The following PACRG variants were observed in gnomAD, a reference collection of about 807,000 sequenced individuals.
PACRG encodes parkin coregulated gene protein.
In PACRG, 29 loss-of-function variants were observed where a neutral mutation model predicts 29.7. The ratio of observed to expected loss-of-function variants is 0.98; its 90% CI spans 0.73 to 1.33. The LOEUF (loss-of-function observed/expected upper bound fraction) is 1.33. Among genes scored for constraint, PACRG ranks in the 40% most tolerant of loss-of-function variants. The pLI, the probability that PACRG is intolerant of heterozygous loss-of-function variation, is 0.00. For synonymous variants in PACRG, 116 were observed against 118.7 expected (o/e 0.98, Z 0.15); for missense variants, 279 against 316.2 (o/e 0.88, Z 0.89).
At chr6:162,976,881 AAGT>A (rs1425645354) in intron 2 of PACRG, among the ~76,000 whole-genome samples, 10 of 152,140 alleles carry the variant, frequency 6.6e-5, no homozygotes, top group African/African-American at 2.4e-4. Context: ...ATAAAAATGA[AAGT>A]AGGGTGCATG....
chr6:163,252,529 G>T (rs1037605446), intron 4 of PACRG, among the ~76,000 whole-genome samples: 1 of 152,188 alleles, frequency 6.6e-6, no homozygotes, highest in Non-Finnish European at 1.5e-5. Flanking sequence ...TGAGAGCCCC[G>T]CTGTGAAGGC....
chr6:162,873,803 T>C (rs1793029842), intron 2 of PACRG, among the ~76,000 whole-genome samples: 1 of 152,156 alleles, frequency 6.6e-6, no homozygotes, highest in Admixed American at 6.5e-5. Context: ...ATTAATTTGA[T>C]ATGCTACCCT....
At position 163,315,134 on chromosome 6, in the gene PACRG, C is replaced by T; in HGVS notation, c.*147C>T. 2 of 887,554 alleles carry T rather than the reference C, an allele frequency of 2.3e-6. No individual in the cohort carries two copies. The highest frequency in any genetic ancestry group is 3.4e-6 in the Non-Finnish European group (2 of 591,150). The allele number at this position is 887,554 out of a possible 1,614,324, so 55.0% of individuals were successfully genotyped here. A position where few individuals can be genotyped will look rare whatever the true frequency, so the allele number is the denominator to read the frequency against. ...GGCTTATGGGCCATTGGACTGTTAG[C>T]CCTATTGAGAGCAAGGCTTTCCAAT... On this transcript the variant is annotated 3_prime_UTR_variant, in exon 5 of 5. Coordinates refer to ENST00000366888, the MANE Select transcript of PACRG (RefSeq NM_001080379.2).
intron 2 of PACRG, among the ~76,000 whole-genome samples, chr6:162,872,206 A>C (rs1792882611): frequency 8.3e-6 from 1 of 120,560 alleles, no homozygotes; most frequent in Non-Finnish European, 1.7e-5. Flanking sequence ...CTAACTCCAG[A>C]TGCCCTAAGT....
chr6:162,939,966 A>G (rs1005493572), intron 2 of PACRG, among the ~76,000 whole-genome samples: 1 of 152,180 alleles, frequency 6.6e-6, no homozygotes, highest in African/African-American at 2.4e-5. Context: ...CCAGAATGTC[A>G]AAGTATTTTC....
intron 4 of PACRG, among the ~76,000 whole-genome samples, chr6:163,220,871 A>G (rs550232716): frequency 9.2e-5 from 14 of 152,238 alleles, no homozygotes; most frequent in African/African-American, 3.4e-4. Flanking sequence ...CAACATCCCT[A>G]TGAGGTAAGA....
At chr6:163,243,979 CAT>C (rs1368434299) in intron 4 of PACRG, among the ~76,000 whole-genome samples, 2 of 152,214 alleles carry the variant, frequency 1.3e-5, no homozygotes, top group African/African-American at 2.4e-5. Flanking sequence ...CATTTACTAA[CAT>C]GTGGGCATCT....
intron 4 of PACRG, among the ~76,000 whole-genome samples, chr6:163,290,515 G>A (rs983341161): frequency 5.3e-5 from 8 of 152,154 alleles, no homozygotes; most frequent in African/African-American, 1.9e-4. Flanking sequence ...TGAGCGCCCC[G>A]CAGCCTGCCC....
intron 2 of PACRG, chr6:162,997,315 T>C (rs1804158859): frequency 1.0e-5 from 4 of 400,808 alleles, no homozygotes; most frequent in Non-Finnish European, 2.0e-5. Context: ...CATATGCTAA[T>C]GAAAAAGTAA....
At chr6:162,851,529 TA>T (rs1193485958) in intron 2 of PACRG, among the ~76,000 whole-genome samples, 2 of 152,188 alleles carry the variant, frequency 1.3e-5, no homozygotes, top group African/African-American at 2.4e-5. Flanking sequence ...AAAATAAAAT[TA>T]TTTTTTTCAC....
chr6:162,733,112 G>C (rs186470043), intron 1 of PACRG, among the ~76,000 whole-genome samples: 1 of 152,324 alleles, frequency 6.6e-6, no homozygotes, highest in Admixed American at 6.5e-5. Context: ...GCAAAGCACT[G>C]TTTTAAATGC....
chr6:163,094,375 T>C (rs532619584), intron 4 of PACRG, among the ~76,000 whole-genome samples: 1 of 152,308 alleles, frequency 6.6e-6, no homozygotes, highest in East Asian at 1.9e-4. Flanking sequence ...CTAAATTCCT[T>C]GAGGAAATTA....
intron 2 of PACRG, among the ~76,000 whole-genome samples, chr6:162,930,900 C>T (rs998136381): frequency 6.6e-6 from 1 of 151,778 alleles, no homozygotes; most frequent in African/African-American, 2.4e-5. Context: ...TATGTGGAAA[C>T]CTCCTTGCAT....
intron 2 of PACRG, among the ~76,000 whole-genome samples, chr6:162,869,338 A>G (rs1163189435): frequency 1.3e-5 from 2 of 152,182 alleles, no homozygotes; most frequent in African/African-American, 4.8e-5. Flanking sequence ...GAAATTTATT[A>G]TTTGGGAATA....
intron 2 of PACRG, among the ~76,000 whole-genome samples, chr6:162,980,243 C>T (rs779683674): frequency 1.1e-4 from 16 of 151,980 alleles, no homozygotes; most frequent in Admixed American, 5.3e-4. Flanking sequence ...TTTAATTACA[C>T]TGCATACAGA....
At chr6:163,108,392 C>CTTTTTTTT (rs528887997) in intron 4 of PACRG, among the ~76,000 whole-genome samples, 8 of 90,510 alleles carry the variant, frequency 8.8e-5, no homozygotes, top group Non-Finnish European at 1.6e-4. Flanking sequence ...TTCTCTTTCC[C>CTTTTTTTT]TTTTTTTTTT....
At chr6:162,810,952 A>C (rs1786810912) in intron 1 of PACRG, among the ~76,000 whole-genome samples, 1 of 152,212 alleles carries the variant, frequency 6.6e-6, no homozygotes, top group African/African-American at 2.4e-5. Flanking sequence ...AACAAACTTC[A>C]AACAGGATAA....
At chr6:162,750,818 T>C (rs1217829759) in intron 1 of PACRG, among the ~76,000 whole-genome samples, 1 of 152,214 alleles carries the variant, frequency 6.6e-6, no homozygotes, top group Non-Finnish European at 1.5e-5. Flanking sequence ...TAGGTAGTTT[T>C]GTATTTTTCA....
intron 2 of PACRG, among the ~76,000 whole-genome samples, chr6:162,815,567 G>T (rs1399595345): frequency 6.6e-6 from 1 of 151,264 alleles, no homozygotes; most frequent in Non-Finnish European, 1.5e-5. Flanking sequence ...TTTTGGGGGG[G>T]TGGGAAAGAG....
Sources: gnomAD v4.1 joint callset for allele counts (sites outside exome capture counted in the v4.1 genomes callset) on GRCh38, gnomAD v4.1.1 for gene constraint, MANE v1.5 for transcripts, NCBI Gene and HGNC (gene_info 2026-07-23, HGNC 2026-07-21) for gene names.